Variants in KIDINS220 observed in about 807,000 individuals in gnomAD.
KIDINS220 encodes kinase D-interacting substrate of 220 kDa.
A neutral mutation model predicts 157.6 loss-of-function variants in KIDINS220; 63 were observed. The observed-to-expected ratio is 0.40, with a 90% CI of 0.33 to 0.49. The LOEUF (loss-of-function observed/expected upper bound fraction) is 0.49. KIDINS220 is among the 20% of genes least tolerant of loss of function. The pLI is 0.66. For missense variants in KIDINS220, 1,772 were observed against 2,171.2 expected, an observed-to-expected ratio of 0.82 and a Z score of 3.65; for synonymous variants, 732 against 783.6, an observed-to-expected ratio of 0.93 and a Z score of 1.10.
intron 26 of KIDINS220, 33 bp from the exon 27 acceptor site, chr2:8,737,032 T>C (rs779355256): frequency 6.2e-7 from 1 of 1,609,860 alleles, no homozygotes; most frequent in Admixed American, 1.7e-5. Flanking sequence ...CAGGTATGAA[T>C]AAGCATTTAA....
At position 8,791,048 on chromosome 2, in the gene KIDINS220, C is replaced by T. The variant is rs1673115055; in HGVS notation, c.1441+12G>A. On this transcript the variant is annotated intron_variant, in intron 13 of 29. Transcript: ENST00000256707. Reference sequence around the variant, plus strand: ...TTTATATATACAGACTTTGTACAAGCAAGCCCTTTACCTTCTAGTTTCTTG... The same window carrying T: ...TTTATATATACAGACTTTGTACAAGTAAGCCCTTTACCTTCTAGTTTCTTG... 6.2e-7 allele frequency: 1 copy of T among 1,607,704 alleles called. No homozygotes were observed. The highest frequency in any genetic ancestry group is 8.5e-7 in the Non-Finnish European group (1 of 1,177,378).
intron 1 of KIDINS220, among the ~76,000 whole-genome samples, chr2:8,832,672 C>T (rs905011438): frequency 2.0e-5 from 3 of 152,080 alleles, no homozygotes; most frequent in Non-Finnish European, 4.4e-5. Flanking sequence ...ATTAAGTCTA[C>T]GTTCATTTTC....
downstream of KIDINS220, chr2:8,721,171 T>C (rs2147912753): frequency 6.6e-6 from 1 of 152,252 alleles, no homozygotes; most frequent in African/African-American, 2.4e-5. Flanking sequence ...TATATTAACA[T>C]TAAGCATTAA....
Position 8,792,329 on chromosome 2 carries a change from G to C in KIDINS220, c.1277-1105C>G, listed in dbSNP as rs139257907. Among the ~76,000 whole-genome samples, 614 of 152,232 alleles carry C rather than the reference G, an allele frequency of 4.0e-3. 2 individuals are homozygous for C. Among genetic ancestry groups the C allele is most frequent in the African/African-American group, 0.014 (594 of 41,562 alleles). ...GACCATCAACCAAGAGTATGCCGGG[G>C]GAGAGGAATGCAGCACATGGGATAG... On this transcript the variant is annotated intron_variant, in intron 12 of 29. Transcript: ENST00000256707.
chr2:8,834,985 G>A (rs1490202040), intron 1 of KIDINS220, among the ~76,000 whole-genome samples: 1 of 152,052 alleles, frequency 6.6e-6, no homozygotes, highest in African/African-American at 2.4e-5. Context: ...TGGGACTACA[G>A]GTGCATGCCA....
At chr2:8,736,842 G>C in intron 27 of KIDINS220, 26 bp downstream of exon 27, 1 of 1,613,206 alleles carries the variant, frequency 6.2e-7, no homozygotes, top group Non-Finnish European at 8.5e-7. Flanking sequence ...CGCTGTCTCT[G>C]GTCCGTGTGT....
downstream of KIDINS220, among the ~76,000 whole-genome samples, chr2:8,725,955 G>A (rs763283406): frequency 4.6e-5 from 7 of 152,234 alleles, no homozygotes; most frequent in African/African-American, 9.6e-5. Context: ...ATGGACTTAC[G>A]TGCAATCTTG....
chr2:8,766,446 C>T (rs954192011), intron 22 of KIDINS220, among the ~76,000 whole-genome samples: 5 of 152,208 alleles, frequency 3.3e-5, no homozygotes, highest in African/African-American at 9.6e-5. Context: ...TCTCTTCTAC[C>T]TTTTATTCTT....
rs1354498234 is a variant in KIDINS220, at chr2:8,786,328, G to A, written c.1817C>T (p.Ser606Phe). 1 of 1,613,586 alleles carries A rather than the reference G, an allele frequency of 6.2e-7. No individual in the cohort carries two copies. The highest frequency in any genetic ancestry group is 2.2e-5 in the East Asian group (1 of 44,874). The change falls in exon 16 of 30, where the codon TCC becomes TTC. Residue 606 changes from serine (S) to phenylalanine (F), a missense_variant. Coordinates refer to ENST00000256707, the MANE Select transcript of KIDINS220 (RefSeq NM_020738.4). ...CAGAGAAGTTTCTCCACCTACACTG[G>A]ACAGTCTATTGTAATCTGTAAACAA... is the stretch of plus-strand genomic sequence containing the variant. ...RFLFTDYNRL[S>F]SVGGETSLAE...
chr2:8,773,476 CT>C (rs748234420), intron 21 of KIDINS220, among the ~76,000 whole-genome samples: 406 of 138,956 alleles, frequency 2.9e-3, no homozygotes, highest in Middle Eastern at 3.6e-3. Context: ...TAGATTTTTT[CT>C]TTTTTTTTTT....
intron 22 of KIDINS220, among the ~76,000 whole-genome samples, chr2:8,753,559 T>G (rs1213113666): frequency 6.6e-6 from 1 of 152,246 alleles, no homozygotes; most frequent in East Asian, 1.9e-4. Context: ...GTATGTCAAT[T>G]ACACCTCCAA....
chr2:8,748,217 T>C (rs1666849353), intron 24 of KIDINS220, among the ~76,000 whole-genome samples: 1 of 152,224 alleles, frequency 6.6e-6, no homozygotes, highest in African/African-American at 2.4e-5. Flanking sequence ...TATAAGCTTT[T>C]TTCAGAAAAA....
rs1369619997 is a variant in KIDINS220 at position 8,731,746 on chromosome 2, G to C, written c.4290C>G (p.Asn1430Lys). The change falls in exon 30 of 30, where the codon AAC becomes AAG. Residue 1430 changes from asparagine to lysine, a missense_variant. Asn to Lys is a moderately conservative substitution (Grantham distance 94, BLOSUM62 0). This residue lies in a region of KIDINS220 where 793 missense variants were observed against 885.5 expected (regional missense o/e 0.90). Transcript: ENST00000256707. This position sits in a 1 kb window ranked among gnomAD's most constrained non-coding sequence, Gnocchi z 5.2. ...TATCCTTCCCCTTTTCTTGCTCTAG[G>C]TTTGAATGAATAGAGCCCCCTGATG... Reference protein sequence around the residue: ...QSSSGGSIHSNLEQEKGKDSE... With the variant: ...QSSSGGSIHSKLEQEKGKDSE... The C allele has an allele frequency of 3.1e-6, 5 of 1,614,084 alleles. No homozygotes were observed. The highest frequency in any genetic ancestry group is 1.7e-5 in the Admixed American group (1 of 60,014).
At chr2:8,757,392 A>G in intron 22 of KIDINS220, 1 of 1,140,828 alleles carries the variant, frequency 8.8e-7, no homozygotes, top group Non-Finnish European at 1.1e-6. Flanking sequence ...TGTCACAGTC[A>G]GTTCAGTAAA....
At chr2:8,803,573 A>G (rs1030384986) in intron 7 of KIDINS220, among the ~76,000 whole-genome samples, 4 of 152,208 alleles carry the variant, frequency 2.6e-5, no homozygotes, top group African/African-American at 9.6e-5. Flanking sequence ...AAAAAACACT[A>G]AAGTAAACAA....
Position 8,729,374 on chromosome 2 carries a change from T to A in KIDINS220, c.*1346A>T. Reference sequence around the variant, plus strand: ...CACTGAATCTAGATAATAGCGCATCTGCGATCTCACCATCTACCGTCCTAA... The same window carrying A: ...CACTGAATCTAGATAATAGCGCATCAGCGATCTCACCATCTACCGTCCTAA... On this transcript the variant is annotated 3_prime_UTR_variant, in exon 30 of 30. Transcript: ENST00000256707. The A allele has an allele frequency of 3.0e-6, 3 of 985,492 alleles. No individual in the cohort carries two copies. Among genetic ancestry groups the A allele is most frequent in the Non-Finnish European group, 3.6e-6 (3 of 829,946 alleles). The allele number at this position is 985,492 out of a possible 1,614,324, so 61.0% of individuals were successfully genotyped here.
At chr2:8,786,924 A>G (rs1370876169) in intron 15 of KIDINS220, among the ~76,000 whole-genome samples, 1 of 152,192 alleles carries the variant, frequency 6.6e-6, no homozygotes, top group Admixed American at 6.5e-5. Flanking sequence ...ATTGATCTTC[A>G]AAATTAAGTG....
chr2:8,752,097 T>G (rs549174836), intron 22 of KIDINS220, among the ~76,000 whole-genome samples: 1 of 152,252 alleles, frequency 6.6e-6, no homozygotes, highest in East Asian at 1.9e-4. Flanking sequence ...CTTGGCTCAT[T>G]GCAACCTCTG....
At position 8,787,845 on chromosome 2, in the gene KIDINS220, A is replaced by G. The variant is rs142232737; in HGVS notation, c.1787+802T>C. On this transcript the variant is annotated intron_variant, in intron 15 of 29. Transcript: ENST00000256707. ...CATAAATTTCCTACTTAATATGAATAATAATTTTAGACAGACATGTGAATA... is the reference window on the plus strand; with the variant it reads ...CATAAATTTCCTACTTAATATGAATGATAATTTTAGACAGACATGTGAATA... 7.1e-3 allele frequency among the ~76,000 whole-genome samples: 1,085 copies of G among 151,858 alleles called. 21 individuals carry two copies. Among genetic ancestry groups the G allele is most frequent in the African/African-American group, 0.025 (1,030 of 41,346 alleles).
Sources: gnomAD v4.1 joint callset for allele counts (sites outside exome capture counted in the v4.1 genomes callset) on GRCh38, gnomAD v4.1.1 for gene constraint, gnomAD v4.1.1 regional missense constraint, Gnocchi (gnomAD v3.1) non-coding constraint, MANE v1.5 for transcripts, NCBI Gene and HGNC (gene_info 2026-07-23, HGNC 2026-07-21) for gene names.